The following KIF1C variants were observed in gnomAD, a reference collection of about 807,000 sequenced individuals.
KIF1C encodes kinesin family member 1C, also known as kinesin-like protein KIF1C.
In KIF1C, 61 loss-of-function variants were observed where a neutral mutation model predicts 126.5. The observed-to-expected ratio is 0.48, with a 90% confidence interval of 0.39 to 0.60. The LOEUF (loss-of-function observed/expected upper bound fraction) is 0.60, where lower values mean the gene tolerates loss of function less well. KIF1C is among the 20% of genes least tolerant of loss of function. The pLI is 0.00. For synonymous variants in KIF1C, 640 were observed against 580.6 expected (o/e 1.10, Z -1.47); for missense variants, 1,315 against 1,489.2 (o/e 0.88, Z 1.93).
chr17:4,998,559 A>C (rs920472527), intron 1 of KIF1C, among the ~76,000 whole-genome samples: 1 of 151,714 alleles, frequency 6.6e-6, no homozygotes, highest in Non-Finnish European at 1.5e-5. Context: ...GTGCCACCCC[A>C]TCCCTGTCCC....
In KIF1C at chr17:5,020,631, A is replaced by G. The variant is rs1597862159; in HGVS notation, c.1890A>G (p.Glu630=). 1.2e-6 allele frequency: 2 copies of G among 1,614,216 alleles called. No individual in the cohort carries two copies. The highest frequency in any genetic ancestry group is 2.7e-5 in the African/African-American group (2 of 75,076). Residue 630 remains glutamate, a synonymous_variant, in exon 20 of 23, where the codon GAA becomes GAG. Transcript: ENST00000320785. The surrounding 1 kb of genome is among the most constrained non-coding windows in gnomAD (Gnocchi z 5.8). ...EPVDWNFAQK[E]LLEQQGIDIK... ...TCGACTGGAACTTTGCCCAGAAGGAACTGCTGGAGCAGCAAGGCATCGACA... is the reference window on the plus strand; with the variant it reads ...TCGACTGGAACTTTGCCCAGAAGGAGCTGCTGGAGCAGCAAGGCATCGACA...
chr17:5,003,495 C>T, intron 8 of KIF1C, 117 bp from the exon 9 acceptor site: 4 of 667,106 alleles, frequency 6.0e-6, no homozygotes, highest in Middle Eastern at 3.2e-4. Context: ...TCCCTCGCCT[C>T]CTCCTGGCTC....
Position 5,020,581 on chromosome 17 carries a change from C to A in KIF1C, c.1840C>A (p.Pro614Thr), listed in dbSNP as rs1356876702. 1.9e-6 allele frequency: 3 copies of A among 1,614,242 alleles called. No individual in the cohort carries two copies. The Admixed American group carries it at 5.0e-5, about 27-fold the overall frequency. The change falls in exon 20 of 23, where the codon CCC becomes ACC. Residue 614 changes from proline to threonine, a missense_variant. By Grantham distance (38) the Pro-to-Thr change is conservative. Transcript: ENST00000320785. This position sits in a 1 kb window ranked among gnomAD's most constrained non-coding sequence, Gnocchi z 5.8. ...RLERERGVPP[P>T]PGPPSEPVDW... is the part of the protein sequence containing the mutation. Reference sequence around the variant, plus strand: ...GGAACGGGAACGAGGGGTCCCCCCACCCCCAGGACCGCCCTCTGAGCCAGT... The same window carrying A: ...GGAACGGGAACGAGGGGTCCCCCCAACCCCAGGACCGCCCTCTGAGCCAGT...
rs1975124784 is a variant in KIF1C, at chr17:5,022,869, T to C, written c.2628+160T>C. The stretch of plus-strand genomic sequence containing the variant: ...ATTGTTTACGAACCACATGCCTCGC[T>C]GTCACCAGGCTGCTAATTAAAATAG... On this transcript the variant is annotated intron_variant, in intron 22 of 22. Coordinates refer to ENST00000320785, the MANE Select transcript of KIF1C (RefSeq NM_006612.6). This position sits in a 1 kb window ranked among gnomAD's most constrained non-coding sequence, Gnocchi z 4.9. 6.6e-6 allele frequency among the ~76,000 whole-genome samples: 1 copy of C among 152,278 alleles called. No homozygotes were observed. The highest frequency in any genetic ancestry group is 2.4e-5 in the African/African-American group (1 of 41,482).
intron 8 of KIF1C, among the ~76,000 whole-genome samples, chr17:5,003,337 A>G (rs1483543684): frequency 1.3e-5 from 2 of 152,052 alleles, no homozygotes; most frequent in African/African-American, 2.4e-5. Flanking sequence ...GTGAGCCACC[A>G]CACCCGGCTG....
At position 5,022,597 on chromosome 17, in the gene KIF1C, A is replaced by G. The variant is rs1181207786; in HGVS notation, c.2516A>G (p.Lys839Arg). 8.1e-6 allele frequency: 13 copies of G among 1,605,272 alleles called. No homozygotes were observed. In the Admixed American group the frequency reaches 2.2e-4, roughly 27 times the overall value. Residue 839 changes from lysine (K) to arginine (R), a missense_variant, in exon 22 of 23, where the codon AAG becomes AGG. Physicochemically the swap from Lys to Arg is conservative, Grantham distance 26. Around this residue, in one of 2 missense-constraint regions of KIF1C, gnomAD observed 441 missense variants for 436.1 expected, o/e 1.01. Coordinates refer to ENST00000320785, the MANE Select transcript of KIF1C (RefSeq NM_006612.6). This position sits in a 1 kb window ranked among gnomAD's most constrained non-coding sequence, Gnocchi z 4.9. ...EVEDLRAHID[K>R]LTGILQEVKL... ...GAGGACCTCCGGGCCCACATCGACA[A>G]GCTGACGGGGATTCTGCAGGAGGTG...
rs953160875 is a variant in KIF1C, at chr17:4,999,850, G to C, written c.-148G>C. 1.0e-5 allele frequency: 2 copies of C among 197,068 alleles called. No individual in the cohort carries two copies. The highest frequency in any genetic ancestry group is 1.2e-4 in the East Asian group (1 of 8,182). The allele number at this position is 197,068 out of a possible 1,614,324, so 12.2% of individuals were successfully genotyped here. On this transcript the variant is annotated splice_region_variant and 5_prime_UTR_variant, in exon 2 of 23. Transcript: ENST00000320785. ...CTAACAACTCTTCCCCCGCAATCAG[G>C]GTATCTCCCAGAGCCCCAGCTGGTG...
intron 13 of KIF1C, among the ~76,000 whole-genome samples, chr17:5,005,476 T>A (rs1416055610): frequency 1.3e-5 from 2 of 152,148 alleles, no homozygotes; most frequent in African/African-American, 4.8e-5. Context: ...ATGTTGACGG[T>A]CAGGAATGGA....
intron 1 of KIF1C, chr17:4,998,958 C>T (rs1257694096): frequency 6.6e-6 from 1 of 152,320 alleles, no homozygotes; most frequent in Non-Finnish European, 1.5e-5. Flanking sequence ...ATAGCACTAG[C>T]CCCAGGTTGG....
At chr17:5,010,185 T>C (rs421809) in intron 16 of KIF1C, among the ~76,000 whole-genome samples, 59,525 of 152,078 alleles carry the variant, frequency 0.39, 13,893 homozygotes, top group African/African-American at 0.66. Flanking sequence ...CTTGGCCTCC[T>C]GAAGTGCTGG....
chr17:5,004,097 T>G (rs780680541), intron 11 of KIF1C, 24 bp downstream of exon 11: 6 of 1,519,090 alleles, frequency 3.9e-6, no homozygotes, highest in Non-Finnish European at 4.6e-6. Flanking sequence ...CCTCTTTCTC[T>G]GCCGACCCTG....
intron 2 of KIF1C, 30 bp from the exon 3 acceptor site, chr17:5,000,190 G>A: frequency 7.6e-7 from 1 of 1,320,406 alleles, no homozygotes; most frequent in Non-Finnish European, 1.1e-6. Flanking sequence ...CAGTGGTTCT[G>A]ACCCCACCAC....
At chr17:5,016,487 G>C (rs1974975573) in intron 18 of KIF1C, among the ~76,000 whole-genome samples, 1 of 151,802 alleles carries the variant, frequency 6.6e-6, no homozygotes, top group African/African-American at 2.4e-5. Flanking sequence ...TCCTGACCTT[G>C]TGATCCACCT....
At chr17:5,001,435 G>A (rs938377310) in intron 5 of KIF1C, 34 bp downstream of exon 5, 1 of 1,603,776 alleles carries the variant, frequency 6.2e-7, no homozygotes, top group Non-Finnish European at 8.5e-7. Context: ...AGCCAGGGCA[G>A]GAGCATCTTT....
At chr17:5,013,957 T>C (rs991541516) in intron 17 of KIF1C, among the ~76,000 whole-genome samples, 5 of 152,004 alleles carry the variant, frequency 3.3e-5, no homozygotes, top group African/African-American at 7.2e-5. Flanking sequence ...GAGACAACCT[T>C]GTTTACTGGG....
In KIF1C at chr17:5,004,801, G is replaced by A. The variant is rs1423515391; in HGVS notation, c.1020-54G>A. Reference sequence around the variant, plus strand: ...GGGAGAGGGGGAAGGAGAAACAGCAGACCAAGGGTCCCCTGCCCCCAGGCC... The same window carrying A: ...GGGAGAGGGGGAAGGAGAAACAGCAAACCAAGGGTCCCCTGCCCCCAGGCC... On this transcript the variant is annotated intron_variant, in intron 12 of 22. Transcript: ENST00000320785. 4 of 1,612,102 alleles carry A rather than the reference G, an allele frequency of 2.5e-6. No individual in the cohort carries two copies. The Admixed American group carries it at 6.7e-5, about 27-fold the overall frequency.
At chr17:5,010,330 T>A (rs1597852694) in intron 16 of KIF1C, among the ~76,000 whole-genome samples, 1 of 152,218 alleles carries the variant, frequency 6.6e-6, no homozygotes, top group East Asian at 1.9e-4. Context: ...CTGATGGACA[T>A]TCAGATTGTT....
At chr17:5,003,563 C>A in intron 8 of KIF1C, 49 bp from the exon 9 acceptor site, 1 of 1,371,738 alleles carries the variant, frequency 7.3e-7, no homozygotes, top group Non-Finnish European at 1.0e-6. Context: ...ATTTCCCTGC[C>A]CCGTCCCCCA....
intron 16 of KIF1C, among the ~76,000 whole-genome samples, chr17:5,008,139 G>C (rs982642902): frequency 6.6e-6 from 1 of 152,214 alleles, no homozygotes; most frequent in African/African-American, 2.4e-5. Context: ...GGACACGCCA[G>C]TGCCTGACAC....
Sources: gnomAD v4.1 joint callset for allele counts (sites outside exome capture counted in the v4.1 genomes callset) on GRCh38, gnomAD v4.1.1 for gene constraint, gnomAD v4.1.1 regional missense constraint, Gnocchi (gnomAD v3.1) non-coding constraint, MANE v1.5 for transcripts, NCBI Gene and HGNC (gene_info 2026-07-23, HGNC 2026-07-21) for gene names.